Variants in ERG observed in about 807,000 individuals in gnomAD.
ERG encodes transcriptional regulator ERG.
In ERG, 9 loss-of-function variants were observed where a neutral mutation model predicts 55.3. The ratio of observed to expected loss-of-function variants is 0.16; its 90% CI spans 0.10 to 0.28. The LOEUF is 0.28. Ranked by LOEUF, ERG falls within the 10% of genes least tolerant of loss-of-function variation. The pLI is 1.00. For missense variants in ERG, 434 were observed against 631.6 expected (o/e 0.69, Z 3.35); for synonymous variants, 223 against 237.3 (o/e 0.94, Z 0.55).
chr21:38,614,855 C>G (rs2060249516), intron 1 of ERG, among the ~76,000 whole-genome samples: 1 of 152,234 alleles, frequency 6.6e-6, no homozygotes, highest in Non-Finnish European at 1.5e-5. Context: ...AGGTATTATT[C>G]TGGTTGGCCA....
intron 1 of ERG, among the ~76,000 whole-genome samples, chr21:38,478,957 C>T (rs760874029): frequency 5.9e-5 from 9 of 152,078 alleles, no homozygotes; most frequent in South Asian, 4.1e-4. Flanking sequence ...GTGCTTCTGA[C>T]GAACTGTGTG....
At chr21:38,543,427 G>A (rs1240058880) in intron 2 of ERG, among the ~76,000 whole-genome samples, 1 of 149,724 alleles carries the variant, frequency 6.7e-6, no homozygotes, top group Non-Finnish European at 1.5e-5. Flanking sequence ...CTATGTATAT[G>A]TGTATATACA....
chr21:38,387,125 C>T (rs1987727425), intron 9 of ERG, among the ~76,000 whole-genome samples: 1 of 152,146 alleles, frequency 6.6e-6, no homozygotes, highest in African/African-American at 2.4e-5. Flanking sequence ...CAGAGAGCTG[C>T]AGAGTGAGTC....
At chr21:38,512,669 A>G (rs1601166210) in intron 2 of ERG, among the ~76,000 whole-genome samples, 1 of 152,228 alleles carries the variant, frequency 6.6e-6, no homozygotes, top group Non-Finnish European at 1.5e-5. Context: ...TACAAATTTC[A>G]GTTTTGAGGT....
chr21:38,600,402 C>T (rs946999978), intron 1 of ERG, among the ~76,000 whole-genome samples: 2 of 152,178 alleles, frequency 1.3e-5, no homozygotes, highest in African/African-American at 4.8e-5. Flanking sequence ...CAGAAAACGT[C>T]CCCTGAAGGA....
At chr21:38,370,521 T>C in the ERG span, among the ~76,000 whole-genome samples, 4 of 152,152 alleles carry the variant, frequency 2.6e-5, no homozygotes, top group South Asian at 8.3e-4. Context: ...CATATTCTCC[T>C]GTAATACCTT....
chr21:38,508,755 A>C (rs770042384), intron 2 of ERG, among the ~76,000 whole-genome samples: 18 of 152,220 alleles, frequency 1.2e-4, no homozygotes, highest in Non-Finnish European at 2.1e-4. Context: ...CCTTCTATAA[A>C]GTGACATTGA....
chr21:38,377,521 G>C (rs1233716210), downstream of ERG, among the ~76,000 whole-genome samples: 2 of 152,200 alleles, frequency 1.3e-5, no homozygotes, highest in African/African-American at 4.8e-5. Context: ...ACAAGTTTCA[G>C]TTATATTCTT....
At chr21:38,439,264 A>G (rs2058818756) in intron 2 of ERG, among the ~76,000 whole-genome samples, 1 of 152,240 alleles carries the variant, frequency 6.6e-6, no homozygotes, top group Non-Finnish European at 1.5e-5. Flanking sequence ...TGCTCTGCAC[A>G]GACCTGCCAG....
At chr21:38,469,200 C>T (rs865964511) in intron 1 of ERG, among the ~76,000 whole-genome samples, 56 of 152,214 alleles carry the variant, frequency 3.7e-4, no homozygotes, top group African/African-American at 1.2e-3. Flanking sequence ...CCAGCCTCAT[C>T]CTCAGAACTC....
At chr21:38,557,069 C>A (rs1234846656) in intron 2 of ERG, among the ~76,000 whole-genome samples, 1 of 152,142 alleles carries the variant, frequency 6.6e-6, no homozygotes, top group Non-Finnish European at 1.5e-5. Flanking sequence ...TTTTGTGGGA[C>A]TCTCCACTGA....
intron 1 of ERG, among the ~76,000 whole-genome samples, chr21:38,578,111 T>C (rs929425925): frequency 2.6e-5 from 4 of 152,174 alleles, no homozygotes; most frequent in Admixed American, 2.0e-4. Flanking sequence ...GGGAGGGAGT[T>C]GTCCTGGACA....
Position 38,381,428 on chromosome 21 carries a change from C to T in ERG, c.*1975G>A, listed in dbSNP as rs1987431387. 4 of 1,062,526 alleles carry T rather than the reference C, an allele frequency of 3.8e-6. No homozygotes were observed. Among genetic ancestry groups the T allele is most frequent in the Non-Finnish European group, 3.4e-6 (3 of 877,636 alleles). 65.8% of individuals were successfully genotyped at this position (1,062,526 alleles called of 1,614,324 possible). A position where few individuals can be genotyped will look rare whatever the true frequency, so the allele number is the denominator to read the frequency against. ...AATAAACATTGTCTTCAAGGGATAGCCAGCAACATCAGGCTCAGGGCTAGT... is the reference window on the plus strand; with the variant it reads ...AATAAACATTGTCTTCAAGGGATAGTCAGCAACATCAGGCTCAGGGCTAGT... On this transcript the variant is annotated 3_prime_UTR_variant, in exon 10 of 10. Coordinates refer to ENST00000288319, the MANE Select transcript of ERG (RefSeq NM_182918.4).
rs1390729064 is a variant in ERG, at chr21:38,381,161, G to A, written c.*2242C>T. 2 of 1,065,136 alleles carry A rather than the reference G, an allele frequency of 1.9e-6. No homozygotes were observed. Among genetic ancestry groups the A allele is most frequent in the African/African-American group, 3.3e-5 (2 of 61,058 alleles). 66.0% of individuals were successfully genotyped at this position (1,065,136 alleles called of 1,614,324 possible). A position where few individuals can be genotyped will look rare whatever the true frequency, so the allele number is the denominator to read the frequency against. ...AAAGCCCACTGCCAAAACATCCACA[G>A]CACAGAGGTTTGGCAACTTCACATA... On this transcript the variant is annotated 3_prime_UTR_variant, in exon 10 of 10. Coordinates refer to ENST00000288319, the MANE Select transcript of ERG (RefSeq NM_182918.4).
At chr21:38,533,592 T>C (rs2059687755) in intron 2 of ERG, among the ~76,000 whole-genome samples, 1 of 152,266 alleles carries the variant, frequency 6.6e-6, no homozygotes, top group Non-Finnish European at 1.5e-5. Flanking sequence ...GTTATAATGG[T>C]AGCCTGTGGT....
rs932648383 is a variant in ERG at position 38,611,632 on chromosome 21, T to C, written c.-149-26687A>G. On this transcript the variant is annotated intron_variant, in intron 1 of 10. Coordinates refer to the ERG transcript ENST00000398910. ...CCATGACTGTCACTCTATAAAATCC[T>C]AACCCCCAACACTCTCCATTTGCTG... is the stretch of plus-strand genomic sequence containing the variant. 1.2e-3 allele frequency among the ~76,000 whole-genome samples: 189 copies of C among 152,262 alleles called. 3 individuals are homozygous for C. Among genetic ancestry groups the C allele is most frequent in the South Asian group, 2.1e-4 (1 of 4,824 alleles).
At chr21:38,389,862 T>C (rs1987891037) in intron 9 of ERG, among the ~76,000 whole-genome samples, 2 of 152,208 alleles carry the variant, frequency 1.3e-5, no homozygotes, top group East Asian at 1.9e-4. Flanking sequence ...AAAAAATTCA[T>C]TGAATTCATT....
At chr21:38,445,163 C>A (rs1471055140) in intron 2 of ERG, among the ~76,000 whole-genome samples, 9 of 140,318 alleles carry the variant, frequency 6.4e-5, no homozygotes, top group African/African-American at 2.4e-4. Flanking sequence ...TTTTTGTTAG[C>A]CAGAGTCTTG....
chr21:38,619,103 C>T (rs576003833), intron 1 of ERG, among the ~76,000 whole-genome samples: 1 of 152,296 alleles, frequency 6.6e-6, no homozygotes, highest in African/African-American at 2.4e-5. Context: ...ATCCACTTCC[C>T]TGACTTCTCC....
Sources: gnomAD v4.1 joint callset for allele counts (sites outside exome capture counted in the v4.1 genomes callset) on GRCh38, gnomAD v4.1.1 for gene constraint, MANE v1.5 for transcripts, NCBI Gene and HGNC (gene_info 2026-07-23, HGNC 2026-07-21) for gene names.